DNER: variants seen among roughly 807,000 people sequenced by gnomAD.
DNER encodes delta and Notch-like epidermal growth factor-related receptor.
A neutral mutation model predicts 78.2 loss-of-function variants in DNER; 33 were observed. The ratio of observed to expected loss-of-function variants is 0.42; its 90% confidence interval spans 0.32 to 0.56. DNER has a LOEUF of 0.56. Among genes scored for constraint, DNER ranks in the 20% least tolerant of loss-of-function variants. The probability of loss-of-function intolerance (pLI) is 0.11; values close to 1 mark genes in which losing one functional copy is unlikely to be tolerated. For synonymous variants in DNER, 417 were observed against 384.8 expected, an observed-to-expected ratio of 1.08 and a Z score of -0.98; for missense variants, 918 against 975.3, an observed-to-expected ratio of 0.94 and a Z score of 0.78.
intron 11 of DNER, among the ~76,000 whole-genome samples, chr2:229,384,632 C>T (rs1692820783): frequency 6.6e-6 from 1 of 152,080 alleles, no homozygotes; most frequent in African/African-American, 2.4e-5. Flanking sequence ...ACTATAAACA[C>T]CTCTATGCAA....
intron 11 of DNER, among the ~76,000 whole-genome samples, chr2:229,380,324 A>T (rs207657): frequency 6.6e-5 from 10 of 151,996 alleles, no homozygotes; most frequent in African/African-American, 9.7e-5. Context: ...AGATCAGGCC[A>T]AGTGACACAG....
Position 229,700,781 on chromosome 2 carries a change from T to C in DNER, c.276+13367A>G, listed in dbSNP as rs184964110. Among the ~76,000 whole-genome samples, 1,249 of 148,258 alleles carry C rather than the reference T, an allele frequency of 8.4e-3. 20 individuals carry two copies. The highest frequency in any genetic ancestry group is 0.029 in the African/African-American group (1,183 of 40,312). On this transcript the variant is annotated intron_variant, in intron 1 of 12. Transcript: ENST00000341772. ...TACAAAAAAAAAAAAATTAGCCGGGTATGGTGGCACACACCTGTAGTCCCA... is the reference window on the plus strand; with the variant it reads ...TACAAAAAAAAAAAAATTAGCCGGGCATGGTGGCACACACCTGTAGTCCCA...
chr2:229,449,708 C>T (rs1266809615), intron 7 of DNER, among the ~76,000 whole-genome samples: 1 of 152,106 alleles, frequency 6.6e-6, no homozygotes, highest in Admixed American at 6.5e-5. Context: ...ACCAGTTTGC[C>T]CAAATCAGCA....
At chr2:229,576,223 A>G (rs1697297711) in intron 4 of DNER, among the ~76,000 whole-genome samples, 1 of 151,982 alleles carries the variant, frequency 6.6e-6, no homozygotes, top group Admixed American at 6.6e-5. Context: ...TATAGATGAT[A>G]TCTTTTCCAA....
At chr2:229,702,491 A>G (rs1699761928) in intron 1 of DNER, among the ~76,000 whole-genome samples, 5 of 151,702 alleles carry the variant, frequency 3.3e-5, no homozygotes, top group Admixed American at 3.3e-4. Flanking sequence ...AGCCATGATC[A>G]CATTACTGCA....
chr2:229,673,660 C>T (rs1458616159), intron 1 of DNER, among the ~76,000 whole-genome samples: 1 of 152,136 alleles, frequency 6.6e-6, no homozygotes, highest in East Asian at 1.9e-4. Flanking sequence ...TTCCTTAGCT[C>T]AGAATGCCAG....
At chr2:229,564,032 T>C (rs1237212010) in intron 4 of DNER, among the ~76,000 whole-genome samples, 4 of 107,036 alleles carry the variant, frequency 3.7e-5, no homozygotes, top group Admixed American at 9.6e-5. Context: ...CCTCACCCCA[T>C]CACCATCATC....
chr2:229,447,876 A>G (rs1324660283), intron 7 of DNER, among the ~76,000 whole-genome samples: 3 of 152,188 alleles, frequency 2.0e-5, no homozygotes, highest in African/African-American at 7.2e-5. Context: ...ATTAATGGTA[A>G]TTTCCTAAAG....
chr2:229,364,382 A>G (rs992011094), intron 12 of DNER, among the ~76,000 whole-genome samples: 1 of 152,132 alleles, frequency 6.6e-6, no homozygotes, highest in African/African-American at 2.4e-5. Context: ...CACTGGAGAC[A>G]TAGAAATAAA....
At chr2:229,380,384 C>A (rs114518018) in intron 11 of DNER, among the ~76,000 whole-genome samples, 5,666 of 152,140 alleles carry the variant, frequency 0.037, 305 homozygotes, top group African/African-American at 0.13. Flanking sequence ...GATTTGCATC[C>A]TTCCAAATTC....
intron 4 of DNER, among the ~76,000 whole-genome samples, chr2:229,569,630 T>C (rs940116860): frequency 3.3e-5 from 5 of 152,226 alleles, no homozygotes; most frequent in African/African-American, 9.6e-5. Context: ...AAATCATCTC[T>C]AGATTATTTA....
chr2:229,570,873 G>C (rs1411123861), intron 4 of DNER, among the ~76,000 whole-genome samples: 1 of 152,138 alleles, frequency 6.6e-6, no homozygotes, highest in Non-Finnish European at 1.5e-5. Context: ...GTAGGAGCAC[G>C]GGGGAGAAGA....
chr2:229,539,301 C>T (rs1696468730), intron 5 of DNER, among the ~76,000 whole-genome samples: 1 of 152,164 alleles, frequency 6.6e-6, no homozygotes, highest in Non-Finnish European at 1.5e-5. Context: ...CACTTCTGTA[C>T]ATTCCCACTT....
At chr2:229,594,522 G>A (rs1327137299) in intron 1 of DNER, among the ~76,000 whole-genome samples, 1 of 152,042 alleles carries the variant, frequency 6.6e-6, no homozygotes, top group African/African-American at 2.4e-5. Flanking sequence ...AGGAGGCAGA[G>A]GTTGCAGTGA....
At chr2:229,606,318 T>C (rs1697937255) in intron 1 of DNER, 2 of 151,856 alleles carry the variant, frequency 1.3e-5, no homozygotes, top group Non-Finnish European at 2.9e-5. Context: ...CACACACACA[T>C]ACTCAAATGG....
At chr2:229,451,716 A>G (rs1405328313) in intron 7 of DNER, among the ~76,000 whole-genome samples, 5 of 152,206 alleles carry the variant, frequency 3.3e-5, no homozygotes, top group African/African-American at 4.8e-5. Context: ...CGTCTCCTAC[A>G]CTGCACAGAA....
At chr2:229,638,603 G>T (rs1041649265) in intron 1 of DNER, among the ~76,000 whole-genome samples, 1 of 152,098 alleles carries the variant, frequency 6.6e-6, no homozygotes, top group African/African-American at 2.4e-5. Context: ...CCTAAAAAGG[G>T]TATCTTCCCT....
At chr2:229,383,984 T>C (rs1210419578) in intron 11 of DNER, among the ~76,000 whole-genome samples, 1 of 152,168 alleles carries the variant, frequency 6.6e-6, no homozygotes, top group African/African-American at 2.4e-5. Flanking sequence ...TTCGCACTTA[T>C]TCTAAGATTG....
At chr2:229,558,023 T>G (rs564627367) in intron 4 of DNER, among the ~76,000 whole-genome samples, 1 of 152,184 alleles carries the variant, frequency 6.6e-6, no homozygotes, top group Non-Finnish European at 1.5e-5. Flanking sequence ...GTGGTACATA[T>G]GCACCATGGA....
Sources: allele counts gnomAD v4.1 joint callset (sites outside exome capture counted in the v4.1 genomes callset), GRCh38; gene constraint gnomAD v4.1.1; transcripts MANE v1.5; gene names NCBI Gene and HGNC (gene_info 2026-07-23, HGNC 2026-07-21).